CSMD3: variants seen among roughly 807,000 people sequenced by gnomAD.
CSMD3 encodes the protein CUB and Sushi multiple domains 3.
In CSMD3, 177 loss-of-function variants were observed where a neutral mutation model predicts 435.2. The ratio of observed to expected loss-of-function variants is 0.41; its 90% CI spans 0.36 to 0.46. The LOEUF is 0.46. CSMD3 is among the 20% of genes least tolerant of loss of function. CSMD3 has a pLI of 0.34. For synonymous variants in CSMD3, 1,656 were observed against 1,520.5 expected (o/e 1.09, Z -2.07); for missense variants, 4,265 against 4,504.6 (o/e 0.95, Z 1.52).
intron 3 of CSMD3, among the ~76,000 whole-genome samples, chr8:113,243,445 T>C (rs1387789099): frequency 2.6e-5 from 4 of 152,192 alleles, no homozygotes; most frequent in African/African-American, 7.2e-5. Flanking sequence ...TGTGGTGTTC[T>C]TTTTGATTGC....
intron 4 of CSMD3, among the ~76,000 whole-genome samples, chr8:113,110,612 G>T (rs187618688): frequency 4.6e-5 from 7 of 152,132 alleles, no homozygotes; most frequent in Admixed American, 4.6e-4. Context: ...GAAGATTGAG[G>T]CTTTCTCTAC....
intron 43 of CSMD3, among the ~76,000 whole-genome samples, chr8:112,337,076 T>G (rs544367194): frequency 6.6e-6 from 1 of 152,302 alleles, no homozygotes; most frequent in Admixed American, 6.5e-5. Flanking sequence ...TAAATTACAT[T>G]GTCTTCTCTA....
In CSMD3 at chr8:112,289,460, T is replaced by C; in HGVS notation, c.9053A>G (p.His3018Arg). Residue 3018 changes from histidine to arginine, a missense_variant, in exon 57 of 71, where the codon CAC (histidine) becomes CGC (arginine). Transcript: ENST00000297405. Reference protein sequence around the residue: ...GEKYTFGSTVHYSCTGKRSLL... With the variant: ...GEKYTFGSTVRYSCTGKRSLL... ...GGAACGCTTTCCTGTGCAGGAATAG[T>C]GAACAGTAGACCCAAAAGTATACTT... 1 of 1,613,318 alleles carries C rather than the reference T, an allele frequency of 6.2e-7. No homozygotes were observed. Among genetic ancestry groups the C allele is most frequent in the Non-Finnish European group, 8.5e-7 (1 of 1,179,508 alleles).
chr8:113,186,461 G>C (rs563429710), intron 3 of CSMD3, among the ~76,000 whole-genome samples: 1 of 151,844 alleles, frequency 6.6e-6, no homozygotes, highest in South Asian at 2.1e-4. Context: ...TTGAACCACC[G>C]TCTATAAACC....
chr8:112,440,042 C>T (rs1263930681), intron 32 of CSMD3, among the ~76,000 whole-genome samples: 1 of 152,150 alleles, frequency 6.6e-6, no homozygotes, highest in African/African-American at 2.4e-5. Flanking sequence ...TTAACTCAGT[C>T]CAGCATTAAC....
intron 5 of CSMD3, among the ~76,000 whole-genome samples, chr8:113,097,483 C>T (rs1421273729): frequency 6.6e-6 from 1 of 152,032 alleles, no homozygotes; most frequent in East Asian, 1.9e-4. Flanking sequence ...AAGTCCAGGA[C>T]TTATATGTTG....
At chr8:112,492,054 C>G (rs1820757259) in intron 31 of CSMD3, among the ~76,000 whole-genome samples, 1 of 152,042 alleles carries the variant, frequency 6.6e-6, no homozygotes. Context: ...CTTCTTTATC[C>G]TTATTACAGA....
chr8:113,378,497 G>A (rs1430527499), intron 1 of CSMD3, among the ~76,000 whole-genome samples: 1 of 152,150 alleles, frequency 6.6e-6, no homozygotes, highest in East Asian at 1.9e-4. Context: ...TCAGAGGATA[G>A]GGTAGATAGT....
At chr8:113,105,971 G>A (rs1195514546) in intron 4 of CSMD3, among the ~76,000 whole-genome samples, 2 of 151,962 alleles carry the variant, frequency 1.3e-5, no homozygotes, top group African/African-American at 2.4e-5. Context: ...AAAACATATG[G>A]AGATGATGGA....
chr8:112,478,614 G>A (rs941457248), intron 31 of CSMD3, among the ~76,000 whole-genome samples: 39 of 152,132 alleles, frequency 2.6e-4, no homozygotes, highest in Admixed American at 2.0e-3. Context: ...GCAGCAAACC[G>A]TTCAAGAGGT....
chr8:112,447,372 T>C (rs1815723447), intron 32 of CSMD3, among the ~76,000 whole-genome samples: 1 of 152,214 alleles, frequency 6.6e-6, no homozygotes, highest in African/African-American at 2.4e-5. Context: ...TTTTGCTTTA[T>C]CTATGACCAC....
chr8:112,424,167 C>A (rs1311315277), intron 32 of CSMD3, among the ~76,000 whole-genome samples: 5 of 152,244 alleles, frequency 3.3e-5, no homozygotes, highest in Admixed American at 2.0e-4. Flanking sequence ...CTCCTCCCAA[C>A]CTACTTGCAG....
chr8:112,357,547 G>C (rs896061480), intron 38 of CSMD3, among the ~76,000 whole-genome samples: 7 of 152,216 alleles, frequency 4.6e-5, no homozygotes, highest in Admixed American at 2.6e-4. Flanking sequence ...TCCAGGGCAT[G>C]TCAGAGGTCT....
chr8:113,023,770 A>C (rs2086772329), intron 5 of CSMD3, among the ~76,000 whole-genome samples: 2 of 152,062 alleles, frequency 1.3e-5, no homozygotes, highest in South Asian at 4.1e-4. Flanking sequence ...TGTTCTCATC[A>C]TATCTTAATT....
rs73349937 is a variant in CSMD3, at chr8:112,991,724, T to C, written c.1031-15576A>G. Among the ~76,000 whole-genome samples, 535 of 151,946 alleles carry C rather than the reference T, an allele frequency of 3.5e-3. 3 individuals are homozygous for C. The highest frequency in any genetic ancestry group is 0.012 in the African/African-American group (499 of 41,494). ...AAACAAAAGATGAGACACAAAAATA[T>C]TATTATGTGATACTAAATTTCTAAG... On this transcript the variant is annotated intron_variant, in intron 6 of 70. Coordinates refer to ENST00000297405, the MANE Select transcript of CSMD3 (RefSeq NM_198123.2).
chr8:112,757,589 T>A (rs1338657710), intron 13 of CSMD3, among the ~76,000 whole-genome samples: 1 of 151,972 alleles, frequency 6.6e-6, no homozygotes, highest in African/African-American at 2.4e-5. Flanking sequence ...TGGGGGAAAA[T>A]AGTTTGCTCT....
intron 61 of CSMD3, among the ~76,000 whole-genome samples, chr8:112,259,651 A>T (rs1303752944): frequency 6.6e-6 from 1 of 152,178 alleles, no homozygotes; most frequent in Non-Finnish European, 1.5e-5. Flanking sequence ...AAGTATAATA[A>T]TAGCACAAAA....
chr8:112,354,451 T>C (rs1221436457), intron 38 of CSMD3, among the ~76,000 whole-genome samples: 1 of 152,152 alleles, frequency 6.6e-6, no homozygotes, highest in Non-Finnish European at 1.5e-5. Context: ...TGGAAGACCA[T>C]AAAGAATCTG....
intron 35 of CSMD3, among the ~76,000 whole-genome samples, chr8:112,393,545 AC>A (rs1436351946): frequency 6.6e-6 from 1 of 152,148 alleles, no homozygotes; most frequent in Non-Finnish European, 1.5e-5. Context: ...AGACAAGGTC[AC>A]CCTTTTGCCT....
Sources: allele counts gnomAD v4.1 joint callset (sites outside exome capture counted in the v4.1 genomes callset), GRCh38; gene constraint gnomAD v4.1.1; transcripts MANE v1.5; gene names NCBI Gene and HGNC (gene_info 2026-07-23, HGNC 2026-07-21).